NUP107: variants seen among roughly 807,000 people sequenced by gnomAD.
NUP107 encodes the protein nucleoporin 107, also known as nuclear pore complex protein Nup107.
Under a neutral mutation model 141.0 loss-of-function variants are expected in NUP107, and 101 were observed. The observed-to-expected ratio is 0.72, with a 90% CI of 0.61 to 0.84. NUP107 has a LOEUF of 0.84. Ranked by LOEUF, NUP107 falls within the 40% of genes least tolerant of loss-of-function variation. The probability of loss-of-function intolerance (pLI) is 0.00; values close to 1 mark genes in which losing one functional copy is unlikely to be tolerated. For synonymous variants in NUP107, 319 were observed against 363.9 expected (o/e 0.88, Z 1.41); for missense variants, 941 against 1,102.7 (o/e 0.85, Z 2.08).
chr12:68,732,574 T>C, intron 22 of NUP107, 63 bp from the exon 23 acceptor site: 1 of 947,822 alleles, frequency 1.1e-6, no homozygotes, highest in Admixed American at 2.4e-5. Context: ...TACTAATTTG[T>C]AGAATATCTT....
At chr12:68,718,060 A>C (rs1052424143) in intron 12 of NUP107, among the ~76,000 whole-genome samples, 2 of 152,218 alleles carry the variant, frequency 1.3e-5, no homozygotes, top group Non-Finnish European at 2.9e-5. Context: ...AGCAGGATCC[A>C]GGAACTCCAA....
At chr12:68,724,308 T>G (rs1374789125) in intron 17 of NUP107, among the ~76,000 whole-genome samples, 3 of 152,122 alleles carry the variant, frequency 2.0e-5, no homozygotes, top group Non-Finnish European at 4.4e-5. Flanking sequence ...AGAATCTTAC[T>G]GAAGGACATA....
At chr12:68,720,983 T>A (rs1877325015) in intron 14 of NUP107, 135 bp from the exon 15 acceptor site, 1 of 509,034 alleles carries the variant, frequency 2.0e-6, no homozygotes, top group Admixed American at 3.7e-5. Flanking sequence ...CCCCACTAGA[T>A]CTTTCACTAA....
chr12:68,713,439 T>C (rs1185740078), intron 10 of NUP107, among the ~76,000 whole-genome samples: 1 of 150,440 alleles, frequency 6.6e-6, no homozygotes, highest in Non-Finnish European at 1.5e-5. Flanking sequence ...GACTGGGATG[T>C]GTAGTTCATA....
At chr12:68,714,806 T>C (rs1353731686) in intron 11 of NUP107, among the ~76,000 whole-genome samples, 1 of 152,232 alleles carries the variant, frequency 6.6e-6, no homozygotes. Flanking sequence ...TAGAAATCTG[T>C]TTAAATTTTT....
In NUP107 at chr12:68,737,982, A is replaced by G. The variant is rs1878148300; in HGVS notation, c.2502+2638A>G. Among the ~76,000 whole-genome samples, 3 of 152,190 alleles carry G rather than the reference A, an allele frequency of 2.0e-5. No individual in the cohort carries two copies. In the South Asian group the frequency reaches 6.2e-4, roughly 32 times the overall value. ...TATGGTGAAACTCCGTCTCTACTAA[A>G]AATACAAAAAATTGGCCGGGCACGG... On this transcript the variant is annotated intron_variant, in intron 26 of 27. Transcript: ENST00000229179.
intron 15 of NUP107, 50 bp downstream of exon 15, chr12:68,721,227 A>G (rs765260259): frequency 8.3e-7 from 1 of 1,211,028 alleles, no homozygotes; most frequent in South Asian, 1.3e-5. Context: ...GTAAAATTAA[A>G]TAAAATATTC....
chr12:68,737,633 G>T (rs1304269403), intron 26 of NUP107, among the ~76,000 whole-genome samples: 2 of 151,384 alleles, frequency 1.3e-5, no homozygotes, highest in Non-Finnish European at 2.9e-5. Context: ...TTTCATCAGG[G>T]ATTTTAAAAT....
intron 11 of NUP107, 69 bp downstream of exon 11, chr12:68,713,877 T>C (rs758597995): frequency 8.1e-6 from 10 of 1,233,138 alleles, no homozygotes; most frequent in Non-Finnish European, 1.2e-5. Flanking sequence ...TGAGAATTTT[T>C]TCTCGTGGAT....
intron 24 of NUP107, 111 bp downstream of exon 24, chr12:68,733,723 T>A: frequency 9.4e-7 from 1 of 1,063,184 alleles, no homozygotes; most frequent in Non-Finnish European, 1.4e-6. Flanking sequence ...CTTACCTCTC[T>A]TGTGACTATA....
chr12:68,687,285 A>T (rs1875543918), intron 1 of NUP107: 1 of 686,690 alleles, frequency 1.5e-6, no homozygotes, highest in Non-Finnish European at 2.3e-6. Flanking sequence ...ATAGTCCCTT[A>T]CTTTCCCACT....
chr12:68,688,778 G>A (rs553362112), intron 1 of NUP107, among the ~76,000 whole-genome samples, 184 bp from the exon 2 acceptor site: 1 of 152,260 alleles, frequency 6.6e-6, no homozygotes, highest in South Asian at 2.1e-4. Context: ...ATTTGAGTAA[G>A]GCTTTGAAGA....
At chr12:68,689,226 G>T (rs1472781671) in intron 2 of NUP107, among the ~76,000 whole-genome samples, 173 bp downstream of exon 2, 3 of 152,080 alleles carry the variant, frequency 2.0e-5, no homozygotes, top group African/African-American at 7.2e-5. Context: ...AATTTAATGA[G>T]ATCGTATTTC....
Position 68,731,734 on chromosome 12 carries a change from G to A in NUP107, c.1998+15G>A. 1 of 1,359,130 alleles carries A rather than the reference G, an allele frequency of 7.4e-7. No individual in the cohort carries two copies. 84.2% of individuals were successfully genotyped at this position (1,359,130 alleles called of 1,614,324 possible). On this transcript the variant is annotated intron_variant, in intron 22 of 27. Coordinates refer to ENST00000229179, the MANE Select transcript of NUP107 (RefSeq NM_020401.4). ...GCACTACTGAGGTAATTTGGGATGGGGGGGCAGAGGTTTCTATAACTTCTA... is the reference window on the plus strand; with the variant it reads ...GCACTACTGAGGTAATTTGGGATGGAGGGGCAGAGGTTTCTATAACTTCTA...
intron 5 of NUP107, among the ~76,000 whole-genome samples, chr12:68,693,424 G>T (rs200339107): frequency 4.8e-4 from 73 of 152,046 alleles, no homozygotes; most frequent in Non-Finnish European, 9.1e-4. Context: ...GACCAGCCCA[G>T]GCTGGTCTCA....
intron 20 of NUP107, among the ~76,000 whole-genome samples, chr12:68,730,235 T>TTTTTTTTTTTTA (rs71091551): frequency 2.7e-5 from 4 of 147,396 alleles, no homozygotes; most frequent in South Asian, 2.2e-4. Flanking sequence ...TTTTTTTTTT[T>TTTTTTTTTTTTA]GAGAGAGTCT....
chr12:68,727,340 T>C lies in NUP107; in HGVS notation c.1696-11T>C. On this transcript the variant is annotated splice_polypyrimidine_tract_variant and intron_variant, in intron 19 of 27. Coordinates refer to ENST00000229179, the MANE Select transcript of NUP107 (RefSeq NM_020401.4). ...AGTGTATTTATAATTATGTCTTTTT[T>C]TCCTATGAAGGAGGAAGTTTCTATT... The C allele has an allele frequency of 7.0e-7, 1 of 1,435,852 alleles. No individual in the cohort carries two copies. Among genetic ancestry groups the C allele is most frequent in the Non-Finnish European group, 9.7e-7 (1 of 1,030,634 alleles). The allele number at this position is 1,435,852 out of a possible 1,614,324, so 88.9% of individuals were successfully genotyped here.
At chr12:68,717,393 T>C (rs975899121) in intron 12 of NUP107, among the ~76,000 whole-genome samples, 1 of 152,182 alleles carries the variant, frequency 6.6e-6, no homozygotes, top group Non-Finnish European at 1.5e-5. Flanking sequence ...CCCTCTTTTT[T>C]AATAGCAATT....
chr12:68,722,614 T>A (rs1877402589), intron 17 of NUP107, among the ~76,000 whole-genome samples: 1 of 152,202 alleles, frequency 6.6e-6, no homozygotes, highest in Non-Finnish European at 1.5e-5. Context: ...TACTGATATG[T>A]ATCCTTCTAT....
Sources: allele counts gnomAD v4.1 joint callset (sites outside exome capture counted in the v4.1 genomes callset), GRCh38; gene constraint gnomAD v4.1.1; transcripts MANE v1.5; gene names NCBI Gene and HGNC (gene_info 2026-07-23, HGNC 2026-07-21).